Variants in ZNF300 observed in about 807,000 individuals in gnomAD.
The protein encoded by ZNF300 is kruppel-like zinc finger protein.
In ZNF300, 6 loss-of-function variants were observed where a neutral mutation model predicts 13.9. The observed-to-expected ratio is 0.43, with a 90% CI of 0.24 to 0.85. ZNF300 has a LOEUF of 0.85. Ranked by LOEUF, ZNF300 falls within the 40% of genes least tolerant of loss-of-function variation. The probability of loss-of-function intolerance (pLI) is 0.25; values close to 1 mark genes in which losing one functional copy is unlikely to be tolerated. For synonymous variants in ZNF300, 237 were observed against 242.2 expected, an observed-to-expected ratio of 0.98 and a Z score of 0.20; for missense variants, 662 against 714.2, an observed-to-expected ratio of 0.93 and a Z score of 0.83.
Position 150,896,455 on chromosome 5 carries a change from C to T in ZNF300, c.784G>A (p.Val262Met). The change falls in exon 6 of 6, where the codon GTG becomes ATG. Residue 262 changes from valine (V) to methionine (M), a missense_variant. Val to Met is a conservative substitution (Grantham distance 21). Transcript: ENST00000274599. ...NTQSLIQYQNVETKEKSCVCV... is the reference protein window; with the variant it reads ...NTQSLIQYQNMETKEKSCVCV... The stretch of plus-strand genomic sequence containing the variant: ...ACACAGCTTTTCTCTTTAGTTTCCA[C>T]ATTCTGATATTGAATAAGGGATTGT... The T allele has an allele frequency of 6.2e-7, 1 of 1,613,544 alleles. No homozygotes were observed. Among genetic ancestry groups the T allele is most frequent in the Non-Finnish European group, 8.5e-7 (1 of 1,179,786 alleles).
chr5:150,896,861 T>A lies in ZNF300; in HGVS notation c.378A>T (p.Lys126Asn). Residue 126 changes from lysine (K) to asparagine (N), a missense_variant, in exon 6 of 6, where the codon AAA becomes AAT. Coordinates refer to ENST00000274599, the MANE Select transcript of ZNF300 (RefSeq NM_052860.4). ...GCAGCTGACCATCACCTTGACAGAC[T>A]TTTAAAATGGAGCACAATGAACCAT... ...TRDGSLCSIL[K>N]VCQGDGQLQR... 6.2e-7 allele frequency: 1 copy of A among 1,613,690 alleles called. No homozygotes were observed. The highest frequency in any genetic ancestry group is 1.1e-5 in the South Asian group (1 of 91,076).
At chr5:150,900,958 A>G (rs745704337) in intron 3 of ZNF300, among the ~76,000 whole-genome samples, 3 of 152,118 alleles carry the variant, frequency 2.0e-5, no homozygotes, top group Non-Finnish European at 2.9e-5. Context: ...ATAATCAGTG[A>G]AAAATTATAC....
At position 150,896,088 on chromosome 5, in the gene ZNF300, C is replaced by T. The variant is rs1356488083; in HGVS notation, c.1151G>A (p.Arg384Lys). The T allele has an allele frequency of 6.2e-7, 1 of 1,613,448 alleles. No homozygotes were observed. Among genetic ancestry groups the T allele is most frequent in the East Asian group, 2.2e-5 (1 of 44,838 alleles). The change falls in exon 6 of 6, where the codon AGA becomes AAA. Residue 384 changes from arginine to lysine, a missense_variant. Transcript: ENST00000274599. ...IHTGEKPYECRECGKAFSQKS... is the reference protein window; with the variant it reads ...IHTGEKPYECKECGKAFSQKS... ...CTGGGAAAAGGCCTTCCCACACTCTCTACATTCATAGGGTTTTTCCCCAGT... is the reference window on the plus strand; with the variant it reads ...CTGGGAAAAGGCCTTCCCACACTCTTTACATTCATAGGGTTTTTCCCCAGT...
At chr5:150,897,474 C>T (rs562966455) in intron 5 of ZNF300, 75 of 154,992 alleles carry the variant, frequency 4.8e-4, no homozygotes, top group Non-Finnish European at 3.3e-4. Flanking sequence ...AGAATACAGA[C>T]GTAAATTCCA....
rs1338625034 is a variant in ZNF300, at chr5:150,903,385, TATA to T, written c.-27-206_-27-204del. ...GATCATTCTTTACTCCTCTTGTACC[TATA>T]ATATGATCACATAGAAGTTGACCAA... On this transcript the variant is annotated intron_variant, in intron 2 of 5. Coordinates refer to ENST00000274599, the MANE Select transcript of ZNF300 (RefSeq NM_052860.4). The T allele has an allele frequency of 1.9e-6, 3 of 1,539,680 alleles. No individual in the cohort carries two copies. In the African/African-American group the frequency reaches 4.1e-5, roughly 21 times the overall value.
rs1302018825 is a variant in ZNF300, at chr5:150,903,190, A to T, written c.-27-8T>A. 6.2e-7 allele frequency: 1 copy of T among 1,614,080 alleles called. No homozygotes were observed. Among genetic ancestry groups the T allele is most frequent in the South Asian group, 1.1e-5 (1 of 91,070 alleles). On this transcript the variant is annotated splice_region_variant and splice_polypyrimidine_tract_variant and intron_variant, in intron 2 of 5. Coordinates refer to ENST00000274599, the MANE Select transcript of ZNF300 (RefSeq NM_052860.4). ...TTCCAAAAGGCCAGATGACTGAAAA[A>T]GCAAAACTGGTGATCAGAATGTTTT...
At position 150,903,126 on chromosome 5, in the gene ZNF300, T is replaced by TTA. The variant is rs200875841; in HGVS notation, c.15+14_15+15insTA. The TTA allele has an allele frequency of 6.9e-6, 11 of 1,588,052 alleles. No homozygotes were observed. Among genetic ancestry groups the TTA allele is most frequent in the African/African-American group, 6.9e-5 (5 of 72,858 alleles). ...ACCAAAGAAGAATTTTTTTTTTTTTTAAAAAGCAACTCACCTGGGACTTCA... is the reference window on the plus strand; with the variant it reads ...ACCAAAGAAGAATTTTTTTTTTTTTTTAAAAAAGCAACTCACCTGGGACTTCA... On this transcript the variant is annotated intron_variant, in intron 3 of 5. Coordinates refer to ENST00000274599, the MANE Select transcript of ZNF300 (RefSeq NM_052860.4).
In ZNF300 at chr5:150,896,803, T is replaced by C. The variant is rs1754803411; in HGVS notation, c.436A>G (p.Arg146Gly). ...TTGCTGTTAACAAATGTGACCTGCC[T>C]GAAGAGTTTGTCTTGATTCTCTAGA... ...RFLENQDKLF[R>G]QVTFVNSKTV... is the part of the protein sequence containing the mutation. Residue 146 changes from arginine to glycine, a missense_variant, in exon 6 of 6, where the codon AGG becomes GGG. Arg to Gly is a moderately radical substitution (Grantham distance 125, BLOSUM62 -2). Transcript: ENST00000274599. The C allele has an allele frequency of 5.0e-6, 8 of 1,613,692 alleles. No homozygotes were observed. Among genetic ancestry groups the C allele is most frequent in the Non-Finnish European group, 6.8e-6 (8 of 1,179,780 alleles).
chr5:150,903,868 T>C lies in ZNF300; in HGVS notation c.-32A>G, dbSNP rs1755064224. 2 of 157,250 alleles carry C rather than the reference T, an allele frequency of 1.3e-5. No homozygotes were observed. Among genetic ancestry groups the C allele is most frequent in the Non-Finnish European group, 2.8e-5 (2 of 71,034 alleles). 9.7% of individuals were successfully genotyped at this position (157,250 alleles called of 1,614,324 possible). On this transcript the variant is annotated 5_prime_UTR_variant, in exon 2 of 6. Coordinates refer to ENST00000274599, the MANE Select transcript of ZNF300 (RefSeq NM_052860.4). The stretch of plus-strand genomic sequence containing the variant: ...ACAATGCAGGAAGGTAAATACCTGG[T>C]AAATTTTCCTCAGTCCCAGGACAAG...
In ZNF300 at chr5:150,898,428, C is replaced by A; in HGVS notation, c.142G>T (p.Gly48Trp). 6.2e-7 allele frequency: 1 copy of A among 1,613,348 alleles called. No individual in the cohort carries two copies. Among genetic ancestry groups the A allele is most frequent in the Non-Finnish European group, 8.5e-7 (1 of 1,179,556 alleles). Residue 48 changes from glycine (G) to tryptophan (W), a missense_variant and splice_region_variant, in exon 4 of 6, where the codon GGG becomes TGG. Transcript: ENST00000274599. ...AGTTATTCAGGGAAGCCATCCTTAC[C>A]CATTGAGACCAGGTGGCTGTAGTTC... ...LENYSHLVSM[G>W]YPVSKPDVIS...
At chr5:150,904,401 G>T (rs78173699) in intron 1 of ZNF300, among the ~76,000 whole-genome samples, 2 of 151,342 alleles carry the variant, frequency 1.3e-5, no homozygotes, top group Non-Finnish European at 2.9e-5. Flanking sequence ...ACTCCCCCAT[G>T]TCCATCACAT....
At position 150,896,673 on chromosome 5, in the gene ZNF300, G is replaced by A. The variant is rs989307187; in HGVS notation, c.566C>T (p.Ala189Val). The A allele has an allele frequency of 5.0e-6, 8 of 1,613,278 alleles. No individual in the cohort carries two copies. The highest frequency in any genetic ancestry group is 5.1e-6 in the Non-Finnish European group (6 of 1,179,700). The part of the protein sequence containing the change: ...ISIQRFHKYD[A>V]FKKNLKPNID... ...ATTTGGTTTTAAGTTCTTTTTAAAA[G>A]CATCATATTTATGGAATCTCTGTAT... Residue 189 changes from alanine (A) to valine (V), a missense_variant, in exon 6 of 6, where the codon GCT becomes GTT. By Grantham distance (64) the Ala-to-Val change is moderately conservative (BLOSUM62 0). Transcript: ENST00000274599.
In ZNF300 at chr5:150,896,215, T is replaced by C. The variant is rs199921485; in HGVS notation, c.1024A>G (p.Ile342Val). The change falls in exon 6 of 6, where the codon ATA (isoleucine) becomes GTA (valine). Residue 342 changes from isoleucine (I) to valine (V), a missense_variant. Transcript: ENST00000274599. Reference protein sequence around the residue: ...KAFSQKSSLIIHQRVHTGEKP... With the variant: ...KAFSQKSSLIVHQRVHTGEKP... Reference sequence around the variant, plus strand: ...TCCCCAGTGTGAACTCTCTGATGTATAATAAGGGACGATTTCTGAGAGAAG... The same window carrying C: ...TCCCCAGTGTGAACTCTCTGATGTACAATAAGGGACGATTTCTGAGAGAAG... The C allele has an allele frequency of 8.6e-4, 1,391 of 1,613,654 alleles. 11 individuals carry two copies. The South Asian group carries it at 0.012, about 14-fold the overall frequency.
Position 150,896,517 on chromosome 5 carries a change from A to G in ZNF300, c.722T>C (p.Phe241Ser), listed in dbSNP as rs1754788850. The G allele has an allele frequency of 6.2e-7, 1 of 1,613,524 alleles. No homozygotes were observed. Among genetic ancestry groups the G allele is most frequent in the Non-Finnish European group, 8.5e-7 (1 of 1,179,820 alleles). ...LEKIHNGVIPFDDNQCGNVFR... is the reference protein window; with the variant it reads ...LEKIHNGVIPSDDNQCGNVFR... ...AACGTTTCCACACTGATTATCATCA[A>G]AAGGTATTACTCCATTGTGAATCTT... Residue 241 changes from phenylalanine to serine, a missense_variant, in exon 6 of 6, where the codon TTT becomes TCT. Transcript: ENST00000274599.
intron 5 of ZNF300, chr5:150,897,660 T>A (rs1179004763): frequency 5.5e-6 from 1 of 182,106 alleles, no homozygotes; most frequent in Non-Finnish European, 1.1e-5. Context: ...GCAGTTACAG[T>A]TGCATGCTCT....
intron 3 of ZNF300, among the ~76,000 whole-genome samples, chr5:150,898,985 G>T (rs1034209761): frequency 2.0e-5 from 3 of 152,022 alleles, no homozygotes; most frequent in Non-Finnish European, 2.9e-5. Context: ...GCCATATGAG[G>T]TATTTAGGGT....
chr5:150,898,230 G>A, intron 4 of ZNF300, 46 bp from the exon 5 acceptor site: 3 of 1,606,506 alleles, frequency 1.9e-6, no homozygotes, highest in Non-Finnish European at 2.5e-6. Flanking sequence ...TGCACTGAAG[G>A]AAAAAGAGAA....
rs769057700 is a variant in ZNF300, at chr5:150,895,743, C to A, written c.1496G>T (p.Gly499Val). Reference sequence around the variant, plus strand: ...ATGTGACTTCTGGCAGAAGGCTTTGCCACATTCACTACATTTATAGGGTTT... The same window carrying A: ...ATGTGACTTCTGGCAGAAGGCTTTGACACATTCACTACATTTATAGGGTTT... ...GEKPYKCSECGKAFCQKSHLI... is the reference protein window; with the variant it reads ...GEKPYKCSECVKAFCQKSHLI... Residue 499 changes from glycine to valine, a missense_variant, in exon 6 of 6, where the codon GGC (glycine) becomes GTC (valine). Physicochemically the swap from Gly to Val is moderately radical, Grantham distance 109 (BLOSUM62 -3). Coordinates refer to ENST00000274599, the MANE Select transcript of ZNF300 (RefSeq NM_052860.4). 1 of 1,613,406 alleles carries A rather than the reference C, an allele frequency of 6.2e-7. No individual in the cohort carries two copies. The highest frequency in any genetic ancestry group is 8.5e-7 in the Non-Finnish European group (1 of 1,179,790).
chr5:150,897,051 A>T (rs77756126), intron 5 of ZNF300, 78 bp from the exon 6 acceptor site: 51,767 of 1,151,268 alleles, frequency 0.045, 1,559 homozygotes, highest in East Asian at 0.15. Context: ...CAAATGGATG[A>T]TCCAACATAG....
Sources: allele counts gnomAD v4.1 joint callset (sites outside exome capture counted in the v4.1 genomes callset), GRCh38; gene constraint gnomAD v4.1.1; transcripts MANE v1.5; gene names NCBI Gene and HGNC (gene_info 2026-07-23, HGNC 2026-07-21).